KIAA1671: variants seen among roughly 807,000 people sequenced by gnomAD.
KIAA1671 encodes KIAA1671, also known as uncharacterized protein KIAA1671.
KIAA1671 carries 52 observed loss-of-function variants against 131.2 expected under a neutral mutation model. That is an observed-to-expected ratio of 0.40 (90% CI 0.32 to 0.50). KIAA1671 has a LOEUF of 0.50. KIAA1671 is among the 20% of genes least tolerant of loss of function. The pLI is 0.73. For synonymous variants in KIAA1671, 1,003 were observed against 961.6 expected (o/e 1.04, Z -0.80); for missense variants, 2,360 against 2,364.2 (o/e 1.00, Z 0.04).
intron 6 of KIAA1671, among the ~76,000 whole-genome samples, chr22:25,104,160 G>A (rs527604979): frequency 2.6e-5 from 4 of 152,098 alleles, no homozygotes; most frequent in Admixed American, 2.6e-4. Flanking sequence ...TGTATTTTTA[G>A]TAGAGATGGG....
At chr22:25,142,407 G>C (rs891620172) in intron 6 of KIAA1671, among the ~76,000 whole-genome samples, 1 of 152,194 alleles carries the variant, frequency 6.6e-6, no homozygotes, top group Non-Finnish European at 1.5e-5. Flanking sequence ...CCACAGTAGA[G>C]TCACAGCTCT....
rs145047137 is a variant in KIAA1671 at position 25,144,619 on chromosome 22, T to G, written c.4531-26201T>G. Among the ~76,000 whole-genome samples, 49 of 152,338 alleles carry G rather than the reference T, an allele frequency of 3.2e-4. No individual in the cohort carries two copies. The East Asian group carries it at 9.1e-3, about 28-fold the overall frequency. On this transcript the variant is annotated intron_variant, in intron 6 of 12. Coordinates refer to ENST00000358431, the MANE Select transcript of KIAA1671 (RefSeq NM_001145206.2). ...GCCTCACATGGGAGGCGAATCAGAT[T>G]TAACAAACCCTAAACAAATATTTGT...
chr22:24,953,875 A>G (rs570865686), intron 1 of KIAA1671, among the ~76,000 whole-genome samples: 3 of 152,284 alleles, frequency 2.0e-5, no homozygotes, highest in Admixed American at 2.0e-4. Flanking sequence ...CCTGTTGCAC[A>G]AAGAAAAACA....
At chr22:25,015,951 A>G (rs1276702797) in intron 1 of KIAA1671, among the ~76,000 whole-genome samples, 1 of 152,212 alleles carries the variant, frequency 6.6e-6, no homozygotes, top group Non-Finnish European at 1.5e-5. Context: ...CGAAGTAAGA[A>G]TTTGATTTAA....
chr22:25,045,131 A>T (rs1927151717), intron 5 of KIAA1671, among the ~76,000 whole-genome samples: 1 of 152,186 alleles, frequency 6.6e-6, no homozygotes. Flanking sequence ...ACTGCACTCC[A>T]GCCTGGGCGA....
chr22:25,171,007 ACCT>A, intron 7 of KIAA1671, 69 bp downstream of exon 7: 2 of 1,217,840 alleles, frequency 1.6e-6, no homozygotes, highest in Non-Finnish European at 2.4e-6. Context: ...CAGCCCACCC[ACCT>A]CCTGATTTCT....
At chr22:24,969,776 C>A (rs115063547) in intron 1 of KIAA1671, among the ~76,000 whole-genome samples, 2 of 152,180 alleles carry the variant, frequency 1.3e-5, no homozygotes, top group African/African-American at 4.8e-5. Context: ...GCTCTGTAAC[C>A]GCTTGGCTTT....
At chr22:25,122,770 C>T (rs550410825) in intron 6 of KIAA1671, among the ~76,000 whole-genome samples, 8 of 152,208 alleles carry the variant, frequency 5.3e-5, no homozygotes, top group East Asian at 3.9e-4. Context: ...GTCAGGAGAT[C>T]GAGACCATCC....
rs899073882 is a variant in KIAA1671 at position 24,976,728 on chromosome 22, A to G, written c.-208+23956A>G. 3.9e-5 allele frequency among the ~76,000 whole-genome samples: 6 copies of G among 152,160 alleles called. No individual in the cohort carries two copies. In the South Asian group the frequency reaches 6.2e-4, roughly 16 times the overall value. On this transcript the variant is annotated intron_variant, in intron 1 of 12. Transcript: ENST00000358431. ...CTGGGGCCCACCCCTAGCTGAGCCC[A>G]TGGGGGACCTACCTCTGGCTGGGCC...
chr22:25,107,711 A>G (rs922742445), intron 6 of KIAA1671, among the ~76,000 whole-genome samples: 1 of 151,544 alleles, frequency 6.6e-6, no homozygotes, highest in East Asian at 2.0e-4. Flanking sequence ...GTGTGTGTGC[A>G]TTTCAAAATA....
At chr22:24,953,417 GGGGGCGTGAGA>G (rs1157312502) in intron 1 of KIAA1671, among the ~76,000 whole-genome samples, 1 of 152,068 alleles carries the variant, frequency 6.6e-6, no homozygotes, top group African/African-American at 2.4e-5. Context: ...CGGTGGTTCG[GGGGGCGTGAGA>G]GGGGCGGCGC....
chr22:25,141,562 T>C (rs1252336271), intron 6 of KIAA1671, among the ~76,000 whole-genome samples: 1 of 152,164 alleles, frequency 6.6e-6, no homozygotes, highest in East Asian at 1.9e-4. Flanking sequence ...TTTATTAATA[T>C]ATGTATCTTT....
At chr22:25,045,147 A>G (rs1433634064) in intron 5 of KIAA1671, among the ~76,000 whole-genome samples, 1 of 151,784 alleles carries the variant, frequency 6.6e-6, no homozygotes, top group African/African-American at 2.4e-5. Context: ...GGCGACAGAG[A>G]GAGACTCCGT....
rs1460222013 is a variant in KIAA1671 at position 25,196,797 on chromosome 22, G to A, written c.*4396G>A. 1.3e-5 allele frequency: 2 copies of A among 151,870 alleles called. No individual in the cohort carries two copies. The allele number at this position is 151,870 out of a possible 1,614,324, so 9.4% of individuals were successfully genotyped here. ...CTTATAGATCCTGTAAATAGGGGGG[G>A]TCACAAAAGTAATATATTGTGTTAT... On this transcript the variant is annotated 3_prime_UTR_variant, in exon 13 of 13. Coordinates refer to ENST00000358431, the MANE Select transcript of KIAA1671 (RefSeq NM_001145206.2).
chr22:25,143,542 T>C (rs1207638287), intron 6 of KIAA1671, among the ~76,000 whole-genome samples: 1 of 152,228 alleles, frequency 6.6e-6, no homozygotes, highest in Non-Finnish European at 1.5e-5. Flanking sequence ...TTTCTATAAA[T>C]TGTCATGGGC....
At chr22:24,960,546 CAAAAAAAAAAA>C (rs56207857) in intron 1 of KIAA1671, among the ~76,000 whole-genome samples, 1 of 80,004 alleles carries the variant, frequency 1.2e-5, no homozygotes, top group Non-Finnish European at 2.8e-5. Flanking sequence ...GACTCCGTCT[CAAAAAAAAAAA>C]AAAAAAAGAA....
chr22:24,958,991 A>G (rs1921870561), intron 1 of KIAA1671, among the ~76,000 whole-genome samples: 1 of 150,442 alleles, frequency 6.6e-6, no homozygotes, highest in Non-Finnish European at 1.5e-5. Flanking sequence ...AAAAAAAAAA[A>G]AAAAAAAGAA....
At chr22:25,163,497 A>G (rs1601372317) in intron 6 of KIAA1671, among the ~76,000 whole-genome samples, 1 of 128,862 alleles carries the variant, frequency 7.8e-6, no homozygotes, top group East Asian at 2.3e-4. Flanking sequence ...GCTGGAGTGC[A>G]GTGGTGCGAT....
At chr22:25,150,285 G>T (rs1026661896) in intron 6 of KIAA1671, among the ~76,000 whole-genome samples, 1 of 152,186 alleles carries the variant, frequency 6.6e-6, no homozygotes, top group African/African-American at 2.4e-5. Context: ...AGCCACAGTT[G>T]GCCTAAGAGG....
Sources: allele counts gnomAD v4.1 joint callset (sites outside exome capture counted in the v4.1 genomes callset), GRCh38; gene constraint gnomAD v4.1.1; transcripts MANE v1.5; gene names NCBI Gene and HGNC (gene_info 2026-07-23, HGNC 2026-07-21).